The following ALS2 variants were observed in gnomAD, a reference collection of about 807,000 sequenced individuals.
ALS2 encodes the protein alsin.
Under a neutral mutation model 203.4 loss-of-function variants are expected in ALS2, and 117 were observed. The observed-to-expected ratio is 0.58, with a 90% CI of 0.50 to 0.67. ALS2 has a LOEUF of 0.67. Among genes scored for constraint, ALS2 ranks in the 30% least tolerant of loss-of-function variants. The pLI, the probability that ALS2 is intolerant of heterozygous loss-of-function variation, is 0.00. For synonymous variants in ALS2, 718 were observed against 725.9 expected, an observed-to-expected ratio of 0.99 and a Z score of 0.17; for missense variants, 1,715 against 1,989.4, an observed-to-expected ratio of 0.86 and a Z score of 2.62.
chr2:201,706,517 G>C (rs1023550274), intron 29 of ALS2, among the ~76,000 whole-genome samples: 1 of 137,328 alleles, frequency 7.3e-6, no homozygotes, highest in Non-Finnish European at 1.5e-5. Context: ...TAAAATACCA[G>C]GCAAAATAGC....
intron 10 of ALS2, among the ~76,000 whole-genome samples, chr2:201,743,415 T>G (rs1363404168): frequency 2.0e-5 from 3 of 152,200 alleles, no homozygotes; most frequent in Non-Finnish European, 2.9e-5. Flanking sequence ...ACCCCGTCAC[T>G]TCCAACCTCT....
chr2:201,747,643 G>A (rs976900699), intron 8 of ALS2, among the ~76,000 whole-genome samples: 2 of 152,026 alleles, frequency 1.3e-5, no homozygotes, highest in African/African-American at 2.4e-5. Context: ...TAGAGACGGG[G>A]TTTCACCGTG....
At chr2:201,703,986 G>T (rs375004417) in intron 33 of ALS2, 136 bp downstream of exon 33, 8 of 733,792 alleles carry the variant, frequency 1.1e-5, no homozygotes, top group South Asian at 1.7e-5. Context: ...TTAAAGTGTA[G>T]AACAAAATGT....
At chr2:201,735,330 ACTT>A (rs1691809941) in intron 12 of ALS2, among the ~76,000 whole-genome samples, 1 of 152,202 alleles carries the variant, frequency 6.6e-6, no homozygotes. Flanking sequence ...TAAATTGTAC[ACTT>A]ATTAGTGTAC....
At chr2:201,752,473 C>A (rs1280959552) in intron 7 of ALS2, among the ~76,000 whole-genome samples, 1 of 151,726 alleles carries the variant, frequency 6.6e-6, no homozygotes, top group East Asian at 1.9e-4. Context: ...TCCCCTTTTT[C>A]TTTCCTAATA....
At chr2:201,733,715 T>C (rs1268274990) in intron 12 of ALS2, among the ~76,000 whole-genome samples, 2 of 152,150 alleles carry the variant, frequency 1.3e-5, no homozygotes, top group African/African-American at 4.8e-5. Context: ...CATCCAACAA[T>C]TTAAGATGAA....
chr2:201,735,694 A>T (rs1691832681), intron 12 of ALS2, among the ~76,000 whole-genome samples: 1 of 152,210 alleles, frequency 6.6e-6, no homozygotes, highest in Non-Finnish European at 1.5e-5. Flanking sequence ...CTTTCAACTT[A>T]TGTCATCTCA....
In ALS2 at chr2:201,701,284, GA is replaced by G; in HGVS notation, c.*566del. 1 of 153,046 alleles carries G rather than the reference GA, an allele frequency of 6.5e-6. No individual in the cohort carries two copies. The highest frequency in any genetic ancestry group is 1.9e-4 in the East Asian group (1 of 5,190). 9.5% of individuals were successfully genotyped at this position (153,046 alleles called of 1,614,324 possible). A position where few individuals can be genotyped will look rare whatever the true frequency, so the allele number is the denominator to read the frequency against. The stretch of plus-strand genomic sequence containing the variant: ...ACCTCTCCCATCAAGAAACAGCTTA[GA>G]AAAAGTTAAAACTGCAGTTTAAAAG... On this transcript the variant is annotated 3_prime_UTR_variant, in exon 34 of 34. Transcript: ENST00000264276.
chr2:201,718,408 C>T (rs553914673), intron 23 of ALS2, among the ~76,000 whole-genome samples, 198 bp from the exon 24 acceptor site: 11 of 152,174 alleles, frequency 7.2e-5, no homozygotes, highest in East Asian at 3.9e-4. Context: ...CACAGGCGCC[C>T]GCCACCACGC....
chr2:201,749,694 T>C lies in ALS2; in HGVS notation c.1815+18A>G, dbSNP rs2106064224. The C allele has an allele frequency of 6.2e-7, 1 of 1,602,256 alleles. No individual in the cohort carries two copies. The highest frequency in any genetic ancestry group is 2.2e-5 in the East Asian group (1 of 44,764). ...CTAAGAATTGTGGAATAAGTTGCTA[T>C]CAAGTTCACAAAAGTACCTTTGCAA... is the stretch of plus-strand genomic sequence containing the variant. On this transcript the variant is annotated intron_variant, in intron 8 of 33. Coordinates refer to ENST00000264276, the MANE Select transcript of ALS2 (RefSeq NM_020919.4).
intron 5 of ALS2, among the ~76,000 whole-genome samples, chr2:201,755,701 T>C (rs1693340521): frequency 6.6e-6 from 1 of 152,238 alleles, no homozygotes; most frequent in African/African-American, 2.4e-5. Context: ...GAAAGGGATA[T>C]ACTAAAAAGC....
chr2:201,718,417 G>A (rs1034207482), intron 23 of ALS2, among the ~76,000 whole-genome samples: 20 of 151,992 alleles, frequency 1.3e-4, no homozygotes, highest in Non-Finnish European at 1.0e-4. Flanking sequence ...CCGCCACCAC[G>A]CCCAGCTAAT....
In ALS2 at chr2:201,718,211, CTAGG is replaced by C. The variant is rs1690532315; in HGVS notation, c.3703-5_3703-2del. ...CTCCATTTGGCATAGTCAGTGTTCC[CTAGG>C]TAAAGTCAGAGAATAAAATGTGGGG... is the stretch of plus-strand genomic sequence containing the variant. On this transcript the variant is annotated splice_acceptor_variant and splice_polypyrimidine_tract_variant and intron_variant, in intron 23 of 33. Coordinates refer to ENST00000264276, the MANE Select transcript of ALS2 (RefSeq NM_020919.4). LOFTEE classifies it high-confidence loss of function. 1 of 1,611,680 alleles carries C rather than the reference CTAGG, an allele frequency of 6.2e-7. No homozygotes were observed. The highest frequency in any genetic ancestry group is 1.1e-5 in the South Asian group (1 of 91,026).
At chr2:201,707,807 T>C (rs371931104) in intron 28 of ALS2, 62 bp downstream of exon 28, 15 of 1,591,158 alleles carry the variant, frequency 9.4e-6, no homozygotes, top group African/African-American at 4.0e-5. Context: ...GCTGGGACTC[T>C]TTGAGTAAGA....
At chr2:201,716,074 T>C (rs568572433) in intron 24 of ALS2, among the ~76,000 whole-genome samples, 4 of 152,340 alleles carry the variant, frequency 2.6e-5, no homozygotes, top group South Asian at 4.1e-4. Context: ...AGCAAACCAA[T>C]TGACTCTGCC....
rs1689316408 is a variant in ALS2, at chr2:201,700,448, T to C, written c.*1403A>G. On this transcript the variant is annotated 3_prime_UTR_variant, in exon 34 of 34. Transcript: ENST00000264276. ...CAGAGGGACTTTTGAGGCCAATACTTAGAGGCATGGATTACAATGTGGGCT... is the reference window on the plus strand; with the variant it reads ...CAGAGGGACTTTTGAGGCCAATACTCAGAGGCATGGATTACAATGTGGGCT... 1 of 152,614 alleles carries C rather than the reference T, an allele frequency of 6.6e-6. No homozygotes were observed. Among genetic ancestry groups the C allele is most frequent in the Non-Finnish European group, 1.5e-5 (1 of 68,042 alleles). The allele number at this position is 152,614 out of a possible 1,614,324, so 9.5% of individuals were successfully genotyped here.
At chr2:201,776,804 GT>G (rs1694680407) in intron 1 of ALS2, among the ~76,000 whole-genome samples, 1 of 152,084 alleles carries the variant, frequency 6.6e-6, no homozygotes, top group Admixed American at 6.6e-5. Flanking sequence ...CGTGATACAA[GT>G]TTCACTTGCT....
chr2:201,754,268 C>T (rs1226550625), intron 6 of ALS2, among the ~76,000 whole-genome samples: 1 of 152,160 alleles, frequency 6.6e-6, no homozygotes, highest in East Asian at 1.9e-4. Context: ...CTGCCTCAGT[C>T]TTCCAAAGCA....
intron 15 of ALS2, 68 bp from the exon 16 acceptor site, chr2:201,727,843 C>T (rs1231454213): frequency 7.1e-7 from 1 of 1,406,044 alleles, no homozygotes; most frequent in Non-Finnish European, 9.8e-7. Context: ...TGCCCATATC[C>T]CCTTCATGTC....
Sources: gnomAD v4.1 joint callset for allele counts (sites outside exome capture counted in the v4.1 genomes callset) on GRCh38, gnomAD v4.1.1 for gene constraint, MANE v1.5 for transcripts, NCBI Gene and HGNC (gene_info 2026-07-23, HGNC 2026-07-21) for gene names.